The following KCNIP4 variants were observed in gnomAD, a reference collection of about 807,000 sequenced individuals.
KCNIP4 encodes the protein Kv channel-interacting protein 4.
Under a neutral mutation model 34.0 loss-of-function variants are expected in KCNIP4, and 12 were observed. That is an observed-to-expected ratio of 0.35 (90% CI 0.23 to 0.57). KCNIP4 has a LOEUF of 0.57. Among genes scored for constraint, KCNIP4 ranks in the 20% least tolerant of loss-of-function variants. The pLI is 0.83. For synonymous variants in KCNIP4, 124 were observed against 102.2 expected (o/e 1.21, Z -1.29); for missense variants, 238 against 311.7 (o/e 0.76, Z 1.78).
chr4:20,903,926 C>T (rs1281643259), intron 1 of KCNIP4, among the ~76,000 whole-genome samples: 4 of 152,302 alleles, frequency 2.6e-5, no homozygotes, highest in East Asian at 3.9e-4. Flanking sequence ...TGCTGCCCCA[C>T]TCTATTAGAT....
At chr4:21,043,155 CAAGA>C (rs1332343528) in intron 1 of KCNIP4, among the ~76,000 whole-genome samples, 2 of 152,122 alleles carry the variant, frequency 1.3e-5, no homozygotes, top group Non-Finnish European at 2.9e-5. Context: ...ACCAGGTTGT[CAAGA>C]AAGAAAGTTC....
chr4:20,907,530 C>T (rs1727890115), intron 1 of KCNIP4, among the ~76,000 whole-genome samples: 1 of 152,006 alleles, frequency 6.6e-6, no homozygotes, highest in African/African-American at 2.4e-5. Flanking sequence ...TTACATATAA[C>T]CACACTGGCA....
intron 1 of KCNIP4, among the ~76,000 whole-genome samples, chr4:21,125,740 C>T (rs529792275): frequency 6.6e-6 from 1 of 152,096 alleles, no homozygotes; most frequent in African/African-American, 2.4e-5. Flanking sequence ...AACCATACTA[C>T]CAGGCCTCCA....
chr4:21,496,410 C>A (rs930807153), intron 1 of KCNIP4, among the ~76,000 whole-genome samples: 24 of 152,242 alleles, frequency 1.6e-4, no homozygotes, highest in African/African-American at 5.8e-4. Flanking sequence ...AAAGTCAGGC[C>A]TCTCAAGTCC....
chr4:21,823,114 A>T (rs1490313836), intron 1 of KCNIP4, among the ~76,000 whole-genome samples: 1 of 152,156 alleles, frequency 6.6e-6, no homozygotes, highest in Non-Finnish European at 1.5e-5. Context: ...ATCTCTTAAA[A>T]TAAAAATATC....
intron 1 of KCNIP4, among the ~76,000 whole-genome samples, chr4:21,519,661 T>TACACAA: frequency 7.0e-6 from 1 of 143,260 alleles, no homozygotes; most frequent in Non-Finnish European, 1.5e-5. Context: ...TATGTGTATA[T>TACACAA]ATACACGTGT....
chr4:20,845,226 G>T (rs951903382), intron 3 of KCNIP4, among the ~76,000 whole-genome samples: 1 of 152,106 alleles, frequency 6.6e-6, no homozygotes. Context: ...CTCAAATTCT[G>T]GGAGCCAGAA....
At chr4:21,029,847 ACT>A (rs1423185991) in intron 1 of KCNIP4, among the ~76,000 whole-genome samples, 2 of 151,862 alleles carry the variant, frequency 1.3e-5, no homozygotes, top group Non-Finnish European at 2.9e-5. Context: ...TAAAATAATG[ACT>A]CTTTCCATTT....
At chr4:20,877,162 G>T (rs972173942) in intron 2 of KCNIP4, among the ~76,000 whole-genome samples, 9 of 152,092 alleles carry the variant, frequency 5.9e-5, no homozygotes, top group Non-Finnish European at 1.3e-4. Context: ...TTATCATCTG[G>T]GCTCGCTCTT....
At chr4:21,421,223 A>G (rs1219108694) in intron 1 of KCNIP4, among the ~76,000 whole-genome samples, 6 of 152,198 alleles carry the variant, frequency 3.9e-5, no homozygotes, top group Non-Finnish European at 1.5e-5. Flanking sequence ...AGAATCCTCA[A>G]AAAGTTAAAA....
chr4:20,811,142 T>C (rs1025755356), intron 3 of KCNIP4, among the ~76,000 whole-genome samples: 2 of 152,216 alleles, frequency 1.3e-5, no homozygotes, highest in Non-Finnish European at 2.9e-5. Flanking sequence ...GGTCTAGTGA[T>C]ATTTGGTCCA....
chr4:20,977,965 C>A (rs1735651019), intron 1 of KCNIP4, among the ~76,000 whole-genome samples: 1 of 152,166 alleles, frequency 6.6e-6, no homozygotes, highest in Non-Finnish European at 1.5e-5. Context: ...TCGGAAATTT[C>A]TTGAAGGCAG....
At chr4:21,337,831 C>A (rs1716328112) in intron 1 of KCNIP4, among the ~76,000 whole-genome samples, 1 of 152,090 alleles carries the variant, frequency 6.6e-6, no homozygotes, top group African/African-American at 2.4e-5. Flanking sequence ...TTAATTTAAG[C>A]AAGTTATTTA....
intron 1 of KCNIP4, among the ~76,000 whole-genome samples, chr4:21,787,440 C>T (rs1719985612): frequency 6.6e-6 from 1 of 152,192 alleles, no homozygotes; most frequent in South Asian, 2.1e-4. Context: ...GGGTTAGATG[C>T]TCTCTCATTT....
chr4:21,673,839 C>CA (rs1749680591), intron 1 of KCNIP4, among the ~76,000 whole-genome samples: 1 of 152,166 alleles, frequency 6.6e-6, no homozygotes, highest in Non-Finnish European at 1.5e-5. Context: ...CAGTACCTTA[C>CA]TTCATCACTT....
intron 1 of KCNIP4, among the ~76,000 whole-genome samples, chr4:21,335,787 G>C (rs1185827319): frequency 6.6e-6 from 1 of 152,098 alleles, no homozygotes; most frequent in Non-Finnish European, 1.5e-5. Context: ...GGTATAGCCA[G>C]TTTCTAAAAT....
chr4:21,367,064 C>T (rs553744303), intron 1 of KCNIP4, among the ~76,000 whole-genome samples: 28 of 152,138 alleles, frequency 1.8e-4, no homozygotes, highest in South Asian at 4.2e-4. Flanking sequence ...ACAGCGTTTC[C>T]CTTCTGATGC....
intron 1 of KCNIP4, among the ~76,000 whole-genome samples, chr4:21,810,770 T>C (rs1721604098): frequency 6.6e-6 from 1 of 151,626 alleles, no homozygotes; most frequent in South Asian, 2.1e-4. Context: ...GGAAGAACTA[T>C]TATTAGAGAT....
At chr4:21,848,774 C>A (rs555214119) in intron 1 of KCNIP4, 51 of 152,194 alleles carry the variant, frequency 3.4e-4, no homozygotes, top group African/African-American at 1.2e-3. Flanking sequence ...TAAATTATTT[C>A]TGGAGAATAT....
Sources: gnomAD v4.1 joint callset for allele counts (sites outside exome capture counted in the v4.1 genomes callset) on GRCh38, gnomAD v4.1.1 for gene constraint, MANE v1.5 for transcripts, NCBI Gene and HGNC (gene_info 2026-07-23, HGNC 2026-07-21) for gene names.